Variants in NOL9 observed in about 807,000 individuals in gnomAD.
The protein encoded by NOL9 is nucleolar protein 9, also known as polynucleotide 5'-hydroxyl-kinase NOL9.
In NOL9, 28 loss-of-function variants were observed where a neutral mutation model predicts 67.9. The ratio of observed to expected loss-of-function variants is 0.41; its 90% confidence interval spans 0.31 to 0.57. The LOEUF is 0.57. NOL9 is among the 20% of genes least tolerant of loss of function. The pLI, the probability that NOL9 is intolerant of heterozygous loss-of-function variation, is 0.25. For missense variants in NOL9, 777 were observed against 897.0 expected (o/e 0.87, Z 1.71); for synonymous variants, 356 against 352.2 (o/e 1.01, Z -0.12).
intron 1 of NOL9, among the ~76,000 whole-genome samples, chr1:6,552,567 C>T (rs1430757530): frequency 6.6e-6 from 1 of 151,968 alleles, no homozygotes; most frequent in Non-Finnish European, 1.5e-5. Flanking sequence ...GGATTACAGG[C>T]GTGTGCCACC....
At chr1:6,551,759 T>C (rs965381022) in intron 1 of NOL9, among the ~76,000 whole-genome samples, 6 of 151,790 alleles carry the variant, frequency 4.0e-5, no homozygotes, top group Non-Finnish European at 7.4e-5. Flanking sequence ...CGGCCGGGTG[T>C]GGTGGCTCAC....
intron 10 of NOL9, among the ~76,000 whole-genome samples, chr1:6,527,870 G>A (rs1193343610): frequency 6.6e-6 from 1 of 152,110 alleles, no homozygotes; most frequent in Non-Finnish European, 1.5e-5. Context: ...GGTGGAGGTT[G>A]CAGTGAACGG....
intron 1 of NOL9, among the ~76,000 whole-genome samples, chr1:6,552,149 T>C (rs2148663115): frequency 6.6e-6 from 1 of 151,946 alleles, no homozygotes; most frequent in East Asian, 1.9e-4. Flanking sequence ...CCTGTGGGGG[T>C]CTGGGGAAGG....
intron 7 of NOL9, among the ~76,000 whole-genome samples, chr1:6,533,069 G>A (rs1388268369): frequency 3.9e-5 from 6 of 152,212 alleles, no homozygotes; most frequent in Non-Finnish European, 2.9e-5. Context: ...CAGCTACTCT[G>A]GAAGCTGAGG....
chr1:6,525,304 T>C lies in NOL9; in HGVS notation c.*550A>G, dbSNP rs1188414439. 1.3e-5 allele frequency: 2 copies of C among 156,402 alleles called. No homozygotes were observed. Among genetic ancestry groups the C allele is most frequent in the Non-Finnish European group, 2.8e-5 (2 of 70,504 alleles). 9.7% of individuals were successfully genotyped at this position (156,402 alleles called of 1,614,324 possible). On this transcript the variant is annotated 3_prime_UTR_variant, in exon 12 of 12. Transcript: ENST00000377705. ...GTGCATGAGCCACCATGCCCAGCCCTATCTATTAAACCTTGATTGAATATA... is the reference window on the plus strand; with the variant it reads ...GTGCATGAGCCACCATGCCCAGCCCCATCTATTAAACCTTGATTGAATATA...
At chr1:6,552,193 T>C (rs901318080) in intron 1 of NOL9, among the ~76,000 whole-genome samples, 6 of 152,116 alleles carry the variant, frequency 3.9e-5, no homozygotes, top group Admixed American at 6.6e-5. Context: ...GCTTAATACA[T>C]AGGTGATGTG....
In NOL9 at chr1:6,539,090, G is replaced by A. The variant is rs547797705; in HGVS notation, c.1075+2740C>T. On this transcript the variant is annotated intron_variant, in intron 6 of 11. Transcript: ENST00000377705. ...TGCTCAACATCATTAGTCATTTAAG[G>A]GAATGTAAATGAAAACCAACATGAG... Among the ~76,000 whole-genome samples, 5 of 152,252 alleles carry A rather than the reference G, an allele frequency of 3.3e-5. 1 individual carries two copies. The South Asian group carries it at 1.0e-3, about 32-fold the overall frequency.
chr1:6,532,373 A>G, intron 8 of NOL9, 90 bp downstream of exon 8: 3 of 1,225,250 alleles, frequency 2.4e-6, no homozygotes, highest in South Asian at 1.5e-5. Flanking sequence ...TGAAGATCTT[A>G]GAGGACTCAG....
At chr1:6,540,335 G>A (rs1214380711) in intron 6 of NOL9, among the ~76,000 whole-genome samples, 3 of 151,582 alleles carry the variant, frequency 2.0e-5, no homozygotes. Flanking sequence ...TGTTAGCCAG[G>A]ATGGTCTCGA....
At position 6,547,063 on chromosome 1, in the gene NOL9, G is replaced by A. The variant is rs541047348; in HGVS notation, c.745-1883C>T. Among the ~76,000 whole-genome samples the A allele has an allele frequency of 7.0e-4, 106 of 152,300 alleles. 1 individual carries two copies. Among genetic ancestry groups the A allele is most frequent in the African/African-American group, 2.5e-3 (103 of 41,572 alleles). ...ACACACTGGGTTTTCCACCAAAACC[G>A]ATGACTATCTGCTGCTCCCTCATCT... On this transcript the variant is annotated intron_variant, in intron 3 of 11. Transcript: ENST00000377705.
At chr1:6,536,800 G>C (rs960243813) in intron 6 of NOL9, among the ~76,000 whole-genome samples, 1 of 152,158 alleles carries the variant, frequency 6.6e-6, no homozygotes, top group African/African-American at 2.4e-5. Flanking sequence ...CTGTGTGACA[G>C]AGCAAGACCC....
chr1:6,535,958 A>T (rs999703961), intron 6 of NOL9, among the ~76,000 whole-genome samples: 9 of 150,804 alleles, frequency 6.0e-5, no homozygotes, highest in Non-Finnish European at 1.3e-4. Flanking sequence ...GAGGTATCAC[A>T]TTCTCTGACT....
chr1:6,553,366 A>G (rs768944913), intron 1 of NOL9, among the ~76,000 whole-genome samples: 1 of 152,098 alleles, frequency 6.6e-6, no homozygotes, highest in Non-Finnish European at 1.5e-5. Context: ...CTCTCCCTCT[A>G]CTGTGTAAGT....
intron 6 of NOL9, among the ~76,000 whole-genome samples, chr1:6,534,082 T>C (rs887250943): frequency 6.6e-6 from 1 of 152,082 alleles, no homozygotes; most frequent in African/African-American, 2.4e-5. Context: ...AGACGGGGTT[T>C]CTCCATGTTG....
At chr1:6,540,239 C>G (rs1639252238) in intron 6 of NOL9, among the ~76,000 whole-genome samples, 1 of 149,508 alleles carries the variant, frequency 6.7e-6, no homozygotes, top group South Asian at 2.1e-4. Context: ...TCTCCTGCCT[C>G]AGCCTCCCAA....
chr1:6,544,512 A>AACACACAC (rs568631480), intron 5 of NOL9, among the ~76,000 whole-genome samples: 2 of 104,950 alleles, frequency 1.9e-5, no homozygotes, highest in African/African-American at 5.8e-5. Flanking sequence ...CCTGTCTGAA[A>AACACACAC]ACACACACAC....
At chr1:6,528,540 G>C (rs551200606) in intron 10 of NOL9, among the ~76,000 whole-genome samples, 97 of 152,342 alleles carry the variant, frequency 6.4e-4, no homozygotes, top group African/African-American at 2.2e-3. Flanking sequence ...CCAAGTACGA[G>C]CCTGGGGCAA....
intron 6 of NOL9, among the ~76,000 whole-genome samples, chr1:6,539,091 G>A (rs1310129816): frequency 6.6e-6 from 1 of 152,182 alleles, no homozygotes; most frequent in East Asian, 1.9e-4. Flanking sequence ...TCATTTAAGG[G>A]AATGTAAATG....
chr1:6,544,545 C>CACGCACACA (rs1553183969), intron 5 of NOL9, among the ~76,000 whole-genome samples: 1 of 23,496 alleles, frequency 4.3e-5, no homozygotes, highest in Non-Finnish European at 3.6e-4. Flanking sequence ...ACACACGCAC[C>CACGCACACA]CCCCCCCCGC....
Sources: allele counts gnomAD v4.1 joint callset (sites outside exome capture counted in the v4.1 genomes callset), GRCh38; gene constraint gnomAD v4.1.1; transcripts MANE v1.5; gene names NCBI Gene and HGNC (gene_info 2026-07-23, HGNC 2026-07-21).